The following GRIK2 variants were observed in gnomAD, a reference collection of about 807,000 sequenced individuals.
The protein encoded by GRIK2 is glutamate ionotropic receptor kainate type subunit 2.
Under a neutral mutation model 100.3 loss-of-function variants are expected in GRIK2, and 32 were observed. The ratio of observed to expected loss-of-function variants is 0.32; its 90% CI spans 0.24 to 0.43. The LOEUF (loss-of-function observed/expected upper bound fraction) is 0.43, where lower values mean the gene tolerates loss of function less well. Among genes scored for constraint, GRIK2 ranks in the 20% least tolerant of loss-of-function variants. The pLI, the probability that GRIK2 is intolerant of heterozygous loss-of-function variation, is 1.00. For missense variants in GRIK2, 843 were observed against 1,114.9 expected (o/e 0.76, Z 3.47); for synonymous variants, 417 against 389.4 (o/e 1.07, Z -0.83).
intron 10 of GRIK2, among the ~76,000 whole-genome samples, chr6:101,853,642 T>C (rs1784263246): frequency 6.6e-6 from 1 of 152,192 alleles, no homozygotes; most frequent in Admixed American, 6.5e-5. Flanking sequence ...CACATGGATG[T>C]TTATAGCAAC....
At chr6:102,015,903 C>A (rs73500535) in intron 14 of GRIK2, among the ~76,000 whole-genome samples, 2 of 152,054 alleles carry the variant, frequency 1.3e-5, no homozygotes. Context: ...TGAGCCTTGG[C>A]ACCCTTAAAT....
At chr6:101,461,995 T>A (rs949355834) in intron 2 of GRIK2, among the ~76,000 whole-genome samples, 1 of 152,178 alleles carries the variant, frequency 6.6e-6, no homozygotes, top group Admixed American at 6.5e-5. Context: ...TGGTTTTCAA[T>A]CTCAGTTCTG....
At chr6:101,608,402 TA>T (rs1779526306) in intron 2 of GRIK2, among the ~76,000 whole-genome samples, 1 of 151,898 alleles carries the variant, frequency 6.6e-6, no homozygotes, top group African/African-American at 2.4e-5. Flanking sequence ...ATTTCATAAT[TA>T]AAAATAGTTC....
intron 10 of GRIK2, among the ~76,000 whole-genome samples, chr6:101,826,784 TA>T (rs138023302): frequency 1.2e-3 from 178 of 151,878 alleles, no homozygotes; most frequent in African/African-American, 4.1e-3. Flanking sequence ...GCATACCATT[TA>T]AAAAAAATGA....
intron 5 of GRIK2, 90 bp downstream of exon 5, chr6:101,676,894 C>A: frequency 2.8e-6 from 2 of 726,822 alleles, no homozygotes; most frequent in Non-Finnish European, 2.2e-6. Context: ...TATTGTTATG[C>A]AATCAGTTAT....
intron 11 of GRIK2, among the ~76,000 whole-genome samples, chr6:101,863,735 TTTCTC>T (rs1212866194): frequency 6.6e-6 from 1 of 152,212 alleles, no homozygotes; most frequent in African/African-American, 2.4e-5. Context: ...GTGTCTAACT[TTTCTC>T]TTTCTCTTAC....
chr6:101,431,765 A>G (rs560975639), intron 2 of GRIK2, among the ~76,000 whole-genome samples: 27 of 152,292 alleles, frequency 1.8e-4, no homozygotes, highest in African/African-American at 6.3e-4. Flanking sequence ...CTTTATAACT[A>G]CTGATTTAAT....
intron 14 of GRIK2, among the ~76,000 whole-genome samples, chr6:102,015,132 G>A (rs533886737): frequency 6.6e-6 from 1 of 151,980 alleles, no homozygotes; most frequent in Non-Finnish European, 1.5e-5. Flanking sequence ...CCTATGTTGG[G>A]TGCATGTATA....
rs1279664198 is a variant in GRIK2, at chr6:101,926,572, TA to T, written c.1868-1839del. ...ATTAGTAGTATTTAGGAATTAGAGGTAAAACTCTATGTTATTATCTCTGAAG... is the reference window on the plus strand; with the variant it reads ...ATTAGTAGTATTTAGGAATTAGAGGTAAACTCTATGTTATTATCTCTGAAG... On this transcript the variant is annotated intron_variant, in intron 13 of 16. Transcript: ENST00000369134. 3.3e-5 allele frequency among the ~76,000 whole-genome samples: 5 copies of T among 152,196 alleles called. No individual in the cohort carries two copies. In the South Asian group the frequency reaches 1.0e-3, roughly 32 times the overall value.
At chr6:101,712,339 A>C (rs1402965458) in intron 7 of GRIK2, among the ~76,000 whole-genome samples, 1 of 151,764 alleles carries the variant, frequency 6.6e-6, no homozygotes, top group Non-Finnish European at 1.5e-5. Flanking sequence ...TTCTAACAAG[A>C]TCCTCAGTGA....
intron 7 of GRIK2, among the ~76,000 whole-genome samples, chr6:101,798,286 T>C (rs1780452191): frequency 6.6e-6 from 1 of 152,148 alleles, no homozygotes; most frequent in South Asian, 2.1e-4. Context: ...GTGTAATATA[T>C]GTAATATGTC....
intron 14 of GRIK2, among the ~76,000 whole-genome samples, chr6:101,981,570 G>A (rs1305449185): frequency 6.6e-6 from 1 of 151,882 alleles, no homozygotes; most frequent in African/African-American, 2.4e-5. Context: ...ATGTAATACA[G>A]TGGTATTAGG....
chr6:101,493,557 A>G (rs1219122226), intron 2 of GRIK2, among the ~76,000 whole-genome samples: 1 of 152,008 alleles, frequency 6.6e-6, no homozygotes, highest in Non-Finnish European at 1.5e-5. Context: ...TCAGACCACA[A>G]ATTTTGGGAA....
At chr6:101,551,700 A>G (rs1253489551) in intron 2 of GRIK2, among the ~76,000 whole-genome samples, 1 of 152,172 alleles carries the variant, frequency 6.6e-6, no homozygotes, top group Non-Finnish European at 1.5e-5. Flanking sequence ...ACTACCAAAA[A>G]GAGTTCAGCA....
At chr6:101,584,213 A>G (rs1464738578) in intron 2 of GRIK2, among the ~76,000 whole-genome samples, 1 of 152,086 alleles carries the variant, frequency 6.6e-6, no homozygotes, top group Non-Finnish European at 1.5e-5. Flanking sequence ...TCCTAGATTT[A>G]GTGATGCAAA....
chr6:101,568,651 C>G (rs1777393842), intron 2 of GRIK2, among the ~76,000 whole-genome samples: 1 of 151,988 alleles, frequency 6.6e-6, no homozygotes, highest in East Asian at 1.9e-4. Context: ...TCTTGGTAAT[C>G]TTACTGTGCA....
At chr6:101,722,314 C>T (rs138221054) in intron 7 of GRIK2, among the ~76,000 whole-genome samples, 17 of 152,000 alleles carry the variant, frequency 1.1e-4, no homozygotes, top group Non-Finnish European at 2.2e-4. Context: ...AAACAAACAA[C>T]AACAAAAAAA....
At chr6:101,543,881 G>A (rs1050688241) in intron 2 of GRIK2, among the ~76,000 whole-genome samples, 1 of 152,172 alleles carries the variant, frequency 6.6e-6, no homozygotes, top group African/African-American at 2.4e-5. Flanking sequence ...TGCTTAGTAA[G>A]GGGATGGCCA....
intron 7 of GRIK2, among the ~76,000 whole-genome samples, chr6:101,791,589 C>T (rs1562389157): frequency 2.0e-5 from 3 of 151,166 alleles, no homozygotes; most frequent in African/African-American, 7.3e-5. Context: ...GTTATAATTT[C>T]TTTTTTTTTA....
Sources: gnomAD v4.1 joint callset for allele counts (sites outside exome capture counted in the v4.1 genomes callset) on GRCh38, gnomAD v4.1.1 for gene constraint, MANE v1.5 for transcripts, NCBI Gene and HGNC (gene_info 2026-07-23, HGNC 2026-07-21) for gene names.